CABIN1: variants seen among roughly 807,000 people sequenced by gnomAD.
CABIN1 encodes calcineurin binding protein 1.
CABIN1 carries 133 observed loss-of-function variants against 227.7 expected under a neutral mutation model. The observed-to-expected ratio is 0.58, with a 90% CI of 0.51 to 0.67. CABIN1 has a LOEUF of 0.67. Ranked by LOEUF, CABIN1 falls within the 30% of genes least tolerant of loss-of-function variation. The probability of loss-of-function intolerance (pLI) is 0.00; values close to 1 mark genes in which losing one functional copy is unlikely to be tolerated. For synonymous variants in CABIN1, 1,086 were observed against 1,155.1 expected (o/e 0.94, Z 1.21); for missense variants, 2,408 against 2,852.5 (o/e 0.84, Z 3.55).
chr22:24,055,650 T>TCCCGAG (rs1601820392), intron 9 of CABIN1, among the ~76,000 whole-genome samples: 1 of 152,190 alleles, frequency 6.6e-6, no homozygotes, highest in East Asian at 1.9e-4. Flanking sequence ...TGACAAAAGC[T>TCCCGAG]CCCGAGCCTT....
At chr22:24,070,681 T>C (rs1236899640) in intron 16 of CABIN1, 119 bp from the exon 17 acceptor site, 5 of 1,467,574 alleles carry the variant, frequency 3.4e-6, no homozygotes, top group Non-Finnish European at 4.8e-6. Context: ...GTGCTGGGGC[T>C]CGTTCTTCCC....
intron 27 of CABIN1, among the ~76,000 whole-genome samples, chr22:24,115,109 T>C (rs1482341153): frequency 6.6e-6 from 1 of 152,388 alleles, no homozygotes; most frequent in East Asian, 1.9e-4. Context: ...ACAGCATTTC[T>C]GTTTTTAAAA....
rs1011956278 is a variant in CABIN1 at position 24,178,184 on chromosome 22, C to G, written c.6651C>G (p.Tyr2217Ter). 4.3e-6 allele frequency: 7 copies of G among 1,613,266 alleles called. No homozygotes were observed. Among genetic ancestry groups the G allele is most frequent in the Non-Finnish European group, 5.9e-6 (7 of 1,179,944 alleles). The change falls in exon 37 of 37, where the codon TAC (tyrosine) becomes TAG (stop). Residue 2217 changes from tyrosine (Y) to a stop codon, truncating the protein, a stop_gained. Transcript: ENST00000263119. LOFTEE classifies it high-confidence loss of function. ...GCGAGACAGACGAGGACGACGACTACATGGACATTTGAGGGGCCACTGCAG... is the reference window on the plus strand; with the variant it reads ...GCGAGACAGACGAGGACGACGACTAGATGGACATTTGAGGGGCCACTGCAG... ...LESETDEDDDYMDI is the reference protein window; with the variant it reads ...LESETDEDDD
intron 10 of CABIN1, among the ~76,000 whole-genome samples, chr22:24,057,169 C>T (rs1439258149): frequency 6.6e-6 from 1 of 152,140 alleles, no homozygotes; most frequent in Non-Finnish European, 1.5e-5. Flanking sequence ...ATCTCCTGAC[C>T]TCGTAATCTG....
intron 26 of CABIN1, 100 bp downstream of exon 26, chr22:24,098,292 G>C (rs1350484917): frequency 1.9e-6 from 3 of 1,557,772 alleles, no homozygotes; most frequent in African/African-American, 1.4e-5. Flanking sequence ...GGTGAGGGGG[G>C]GTGCTGGGTC....
intron 27 of CABIN1, among the ~76,000 whole-genome samples, chr22:24,115,321 CT>C (rs1388856372): frequency 6.6e-6 from 1 of 152,158 alleles, no homozygotes; most frequent in East Asian, 1.9e-4. Flanking sequence ...CCCTTCTAGA[CT>C]CATGAAGAGT....
intron 6 of CABIN1, among the ~76,000 whole-genome samples, chr22:24,047,891 C>T (rs910135916): frequency 6.6e-6 from 1 of 152,264 alleles, no homozygotes; most frequent in African/African-American, 2.4e-5. Context: ...AGAGCTGGCA[C>T]CCTGCTGCAG....
At chr22:24,152,813 G>A (rs369703561) in intron 29 of CABIN1, among the ~76,000 whole-genome samples, 72 of 152,284 alleles carry the variant, frequency 4.7e-4, no homozygotes, top group African/African-American at 1.6e-3. Flanking sequence ...AGCTGGGCGT[G>A]GTGGTGTGTG....
intron 29 of CABIN1, among the ~76,000 whole-genome samples, chr22:24,159,853 C>T (rs746475046): frequency 6.6e-5 from 10 of 152,196 alleles, no homozygotes; most frequent in Admixed American, 5.9e-4. Context: ...CCAGCCACCC[C>T]GTCCACAGGC....
At chr22:24,039,586 C>G (rs1215620607) in intron 4 of CABIN1, among the ~76,000 whole-genome samples, 2 of 152,154 alleles carry the variant, frequency 1.3e-5, no homozygotes, top group Non-Finnish European at 2.9e-5. Context: ...AGTTGGTGGG[C>G]ATGTTGGTCT....
intron 5 of CABIN1, among the ~76,000 whole-genome samples, chr22:24,042,045 A>C (rs2037419402): frequency 6.6e-6 from 1 of 152,198 alleles, no homozygotes; most frequent in African/African-American, 2.4e-5. Context: ...TCGACTTCCC[A>C]GGCTCAAACG....
chr22:24,113,715 G>A lies in CABIN1; in HGVS notation c.4267G>A (p.Gly1423Ser), dbSNP rs769404323. The change falls in exon 27 of 37, where the codon GGT becomes AGT. Residue 1423 changes from glycine (G) to serine (S), a missense_variant. By Grantham distance (56) the Gly-to-Ser change is moderately conservative. This residue lies in a region of CABIN1 where 649 missense variants were observed against 910.3 expected (regional missense o/e 0.71). Transcript: ENST00000263119. The stretch of plus-strand genomic sequence containing the variant: ...TCTCAGTTCCCAAGCAGGAGCGACG[G>A]GTAAAGATCTTCAGGGGGCCACAGA... ...PILSSQAGAT[G>S]KDLQGATEER... The A allele has an allele frequency of 1.9e-6, 3 of 1,613,916 alleles. No homozygotes were observed.
chr22:24,146,707 T>C (rs2018659803), intron 29 of CABIN1, among the ~76,000 whole-genome samples: 1 of 152,270 alleles, frequency 6.6e-6, no homozygotes, highest in African/African-American at 2.4e-5. Flanking sequence ...AAGCAGCCTT[T>C]AGACCATCGT....
intron 18 of CABIN1, among the ~76,000 whole-genome samples, chr22:24,075,792 A>G (rs901182532): frequency 6.6e-6 from 1 of 152,016 alleles, no homozygotes; most frequent in African/African-American, 2.4e-5. Flanking sequence ...CATGTGTAGT[A>G]TGGGTTCCAT....
chr22:24,136,739 G>GCACA (rs200091743), intron 29 of CABIN1, among the ~76,000 whole-genome samples: 3,115 of 139,670 alleles, frequency 0.022, 109 homozygotes, highest in African/African-American at 0.072. Context: ...ACACACACAC[G>GCACA]CACACACACA....
intron 16 of CABIN1, among the ~76,000 whole-genome samples, chr22:24,069,921 C>G (rs1569163079): frequency 1.3e-5 from 2 of 152,260 alleles, no homozygotes; most frequent in South Asian, 4.1e-4. Context: ...GGTTAGAGCC[C>G]AATGGGTCAC....
chr22:24,072,618 A>C, intron 18 of CABIN1, 108 bp downstream of exon 18: 2 of 1,295,184 alleles, frequency 1.5e-6, no homozygotes, highest in Non-Finnish European at 2.2e-6. Flanking sequence ...AGTGGGGCTC[A>C]GTCCTCTCAA....
chr22:24,092,886 T>A (rs1569202515), intron 24 of CABIN1, among the ~76,000 whole-genome samples: 1 of 152,162 alleles, frequency 6.6e-6, no homozygotes, highest in Non-Finnish European at 1.5e-5. Context: ...TTCTTATGAT[T>A]TTGCAGCTTG....
intron 29 of CABIN1, among the ~76,000 whole-genome samples, chr22:24,158,734 C>T (rs1569298571): frequency 6.6e-6 from 1 of 152,228 alleles, no homozygotes; most frequent in East Asian, 1.9e-4. Context: ...CTCTCCTAGC[C>T]CATTACTTCT....
Sources: allele counts gnomAD v4.1 joint callset (sites outside exome capture counted in the v4.1 genomes callset), GRCh38; gene constraint gnomAD v4.1.1; regional missense constraint gnomAD v4.1.1; transcripts MANE v1.5; gene names NCBI Gene and HGNC (gene_info 2026-07-23, HGNC 2026-07-21).